Variants in MAMLD1 observed in about 807,000 individuals in gnomAD.
The protein encoded by MAMLD1 is mastermind like domain containing 1.
A neutral mutation model predicts 45.0 loss-of-function variants in MAMLD1; 14 were observed. The observed-to-expected ratio is 0.31, with a 90% CI of 0.21 to 0.49. The LOEUF is 0.49. Among genes scored for constraint, MAMLD1 ranks in the 20% least tolerant of loss-of-function variants. MAMLD1 has a pLI of 0.99. For synonymous variants in MAMLD1, 254 were observed against 247.8 expected (o/e 1.02, Z -0.24); for missense variants, 543 against 603.6 (o/e 0.90, Z 1.05).
chrX:150,418,051 G>A (rs1390978045), intron 1 of MAMLD1, among the ~76,000 whole-genome samples: 1 of 110,735 alleles, frequency 9.0e-6, no homozygotes, highest in East Asian at 2.8e-4. Context: ...GAATTCGGCT[G>A]TGAATCCATC....
chrX:150,453,995 C>A (rs782313571), intron 2 of MAMLD1, among the ~76,000 whole-genome samples: 1 of 112,519 alleles, frequency 8.9e-6, no homozygotes, highest in South Asian at 3.7e-4. Flanking sequence ...CTCTGGTTCC[C>A]CACTTCTCTC....
chrX:150,482,031 A>AGAAAGAAAGAAT (rs2036831210), intron 5 of MAMLD1, among the ~76,000 whole-genome samples: 2 of 107,696 alleles, frequency 1.9e-5, no homozygotes, highest in Admixed American at 9.9e-5. Context: ...AAAGAAAGAA[A>AGAAAGAAAGAAT]GAATTGAAAG....
At chrX:150,364,451 G>A (rs1557400627) in intron 1 of MAMLD1, among the ~76,000 whole-genome samples, 2 of 112,991 alleles carry the variant, frequency 1.8e-5, no homozygotes, top group African/African-American at 3.2e-5. Context: ...GCAAACACGC[G>A]CCTCGGGCTG....
At chrX:150,379,396 C>T (rs1485324126) in intron 1 of MAMLD1, among the ~76,000 whole-genome samples, 2 of 111,803 alleles carry the variant, frequency 1.8e-5, no homozygotes, top group Non-Finnish European at 3.8e-5. Context: ...TTTGTCTTTT[C>T]GTAAGAGTGA....
chrX:150,378,507 C>T (rs1302163045), intron 1 of MAMLD1, among the ~76,000 whole-genome samples: 6 of 111,856 alleles, frequency 5.4e-5, no homozygotes, highest in African/African-American at 2.0e-4. Context: ...TAGTACACCT[C>T]AAACTTTCAC....
At chrX:150,463,458 T>C (rs1168312888) in intron 3 of MAMLD1, among the ~76,000 whole-genome samples, 1 of 112,158 alleles carries the variant, frequency 8.9e-6, no homozygotes, top group Non-Finnish European at 1.9e-5. Context: ...CAAATGCTTG[T>C]TCAATGGCAG....
chrX:150,373,466 T>TCTCACA (rs1557401239), intron 1 of MAMLD1, among the ~76,000 whole-genome samples: 59 of 103,187 alleles, frequency 5.7e-4, no homozygotes, highest in African/African-American at 2.0e-3. Context: ...TCTCTCTCTC[T>TCTCACA]CACACACACA....
At chrX:150,503,636 G>A (rs1482049479) in intron 6 of MAMLD1, 119 bp downstream of exon 6, 63 of 515,406 alleles carry the variant, frequency 1.2e-4, no homozygotes, top group South Asian at 8.4e-4. Flanking sequence ...TGACAGCTCC[G>A]AAGGTAAAGC....
chrX:150,432,323 G>T (rs1324843620), intron 1 of MAMLD1, among the ~76,000 whole-genome samples: 3 of 111,796 alleles, frequency 2.7e-5, no homozygotes, highest in African/African-American at 9.8e-5. Flanking sequence ...TTAGACCTTT[G>T]TTGGATGCAT....
At chrX:150,429,515 G>GGGGA in intron 1 of MAMLD1, among the ~76,000 whole-genome samples, 1 of 110,952 alleles carries the variant, frequency 9.0e-6, no homozygotes, top group Middle Eastern at 4.7e-3. Context: ...CTTACATCTA[G>GGGGA]TTTTCCCCAG....
chrX:150,450,615 G>T (rs782149738), intron 2 of MAMLD1, among the ~76,000 whole-genome samples: 19 of 111,573 alleles, frequency 1.7e-4, no homozygotes, highest in Non-Finnish European at 3.6e-4. Flanking sequence ...GATGAACAAG[G>T]TGTGGTTGTG....
At chrX:150,410,464 G>A (rs1316325507) in intron 1 of MAMLD1, among the ~76,000 whole-genome samples, 1 of 111,793 alleles carries the variant, frequency 8.9e-6, no homozygotes, top group Non-Finnish European at 1.9e-5. Flanking sequence ...CTATTTTGGA[G>A]GGGAGAGACA....
intron 2 of MAMLD1, among the ~76,000 whole-genome samples, chrX:150,447,057 G>T (rs941654593): frequency 1.8e-5 from 2 of 112,450 alleles, no homozygotes; most frequent in Non-Finnish European, 3.8e-5. Flanking sequence ...GTGTACAGTT[G>T]AATGCACAGA....
chrX:150,492,906 A>G (rs1282799907), intron 5 of MAMLD1, among the ~76,000 whole-genome samples: 3 of 111,565 alleles, frequency 2.7e-5, no homozygotes, highest in African/African-American at 9.8e-5. Flanking sequence ...TTAGGGTGGT[A>G]AGGAGAGGAG....
chrX:150,420,660 G>C (rs984241465), intron 1 of MAMLD1, among the ~76,000 whole-genome samples: 17 of 112,328 alleles, frequency 1.5e-4, no homozygotes, highest in Admixed American at 8.4e-4. Flanking sequence ...TTCTAACAGA[G>C]AGGACCCTCA....
At chrX:150,397,416 A>G (rs73246819) in intron 1 of MAMLD1, among the ~76,000 whole-genome samples, 6,909 of 111,646 alleles carry the variant, frequency 0.062, 227 homozygotes, top group Non-Finnish European at 0.095. Flanking sequence ...GTGTTTTAGA[A>G]TGTCCTTTGT....
chrX:150,453,111 C>G (rs1033190304), intron 2 of MAMLD1, among the ~76,000 whole-genome samples: 4 of 111,700 alleles, frequency 3.6e-5, no homozygotes, highest in Non-Finnish European at 7.5e-5. Context: ...TACATGGCCC[C>G]CTGCAATGTG....
At chrX:150,369,268 G>T (rs1557400906) in intron 1 of MAMLD1, among the ~76,000 whole-genome samples, 1 of 111,150 alleles carries the variant, frequency 9.0e-6, no homozygotes, top group Non-Finnish European at 1.9e-5. Flanking sequence ...TCTTGGACAA[G>T]TCCATCCTTT....
intron 1 of MAMLD1, among the ~76,000 whole-genome samples, chrX:150,403,952 G>GAAAGAAAT (rs1196148463): frequency 1.9e-4 from 14 of 72,114 alleles, no homozygotes; most frequent in African/African-American, 8.5e-4. Context: ...AAGAAAGAAA[G>GAAAGAAAT]AAAGAAAGAA....
Sources: gnomAD v4.1 joint callset for allele counts (sites outside exome capture counted in the v4.1 genomes callset) on GRCh38, gnomAD v4.1.1 for gene constraint, MANE v1.5 for transcripts, NCBI Gene and HGNC (gene_info 2026-07-23, HGNC 2026-07-21) for gene names.